TULP4: variants seen among roughly 807,000 people sequenced by gnomAD.
TULP4 encodes tubby-related protein 4.
A neutral mutation model predicts 129.0 loss-of-function variants in TULP4; 16 were observed. The observed-to-expected ratio is 0.12, with a 90% CI of 0.08 to 0.19. The LOEUF (loss-of-function observed/expected upper bound fraction) is 0.19. Among genes scored for constraint, TULP4 ranks in the 10% least tolerant of loss-of-function variants. The probability of loss-of-function intolerance (pLI) is 1.00; values close to 1 mark genes in which losing one functional copy is unlikely to be tolerated. For missense variants in TULP4, 1,842 were observed against 2,059.1 expected (o/e 0.89, Z 2.04); for synonymous variants, 998 against 854.0 (o/e 1.17, Z -2.94).
intron 1 of TULP4, among the ~76,000 whole-genome samples, chr6:158,396,999 A>AT (rs1777732402): frequency 6.6e-6 from 1 of 152,212 alleles, no homozygotes; most frequent in Non-Finnish European, 1.5e-5. Flanking sequence ...TGATGCAGTT[A>AT]TGGAAGGTGA....
rs1777759376 is a variant in TULP4 at position 158,238,222 on chromosome 6, A to G, written n.68+5919A>G. On this transcript the variant is annotated intron_variant and non_coding_transcript_variant, in intron 1 of 1. Coordinates refer to the TULP4 transcript ENST00000620026. ...CCATGGTCAGCTTAATTTCAATTGC[A>G]TTTTCTTGATGCTGATCTGAAAATT... 4.5e-6 allele frequency: 4 copies of G among 883,396 alleles called. No individual in the cohort carries two copies. In the South Asian group the frequency reaches 5.3e-5, roughly 12 times the overall value. 54.7% of individuals were successfully genotyped at this position (883,396 alleles called of 1,614,324 possible).
Position 158,494,860 on chromosome 6 carries a change from C to A in TULP4, c.1870+14C>A. On this transcript the variant is annotated intron_variant, in intron 11 of 13. Coordinates refer to ENST00000367097, the MANE Select transcript of TULP4 (RefSeq NM_020245.5). Reference sequence around the variant, plus strand: ...ACCTCGGTGCAGGTAAAAATCATGTCCTCTTCTCTCATTGTCCCAGTTGGA... The same window carrying A: ...ACCTCGGTGCAGGTAAAAATCATGTACTCTTCTCTCATTGTCCCAGTTGGA... 1 of 1,610,240 alleles carries A rather than the reference C, an allele frequency of 6.2e-7. No individual in the cohort carries two copies. Among genetic ancestry groups the A allele is most frequent in the East Asian group, 2.2e-5 (1 of 44,872 alleles).
intron 1 of TULP4, among the ~76,000 whole-genome samples, chr6:158,243,275 A>T (rs548197554): frequency 6.6e-6 from 1 of 152,248 alleles, no homozygotes; most frequent in African/African-American, 2.4e-5. Context: ...ATTTTAGTAC[A>T]TGTCTCCAAA....
chr6:158,292,415 C>A (rs1432353469), intron 1 of TULP4, among the ~76,000 whole-genome samples: 1 of 152,126 alleles, frequency 6.6e-6, no homozygotes. Flanking sequence ...CCCTGGCTTT[C>A]CCTTATGTTT....
intron 2 of TULP4, among the ~76,000 whole-genome samples, chr6:158,421,659 C>G (rs111947831): frequency 9.7e-4 from 147 of 152,266 alleles, no homozygotes; most frequent in African/African-American, 3.3e-3. Flanking sequence ...ATCAAAAGAT[C>G]TAGCGATGTT....
In TULP4 at chr6:158,238,340, A is replaced by G. The variant is rs878961827; in HGVS notation, n.68+6037A>G. ...GGTGAGAGATGCTCGGGACTTTGGGAATGTAAACTGGCAGATATTTTGAGG... is the reference window on the plus strand; with the variant it reads ...GGTGAGAGATGCTCGGGACTTTGGGGATGTAAACTGGCAGATATTTTGAGG... On this transcript the variant is annotated intron_variant and non_coding_transcript_variant, in intron 1 of 1. Transcript: ENST00000620026. The G allele has an allele frequency of 3.8e-5, 30 of 781,392 alleles. 1 individual carries two copies. The South Asian group carries it at 4.2e-4, about 11-fold the overall frequency. The allele number at this position is 781,392 out of a possible 1,614,324, so 48.4% of individuals were successfully genotyped here.
At position 158,388,553 on chromosome 6, in the gene TULP4, T is replaced by C. The variant is rs1777509805; in HGVS notation, c.253-24512T>C. ...ACCGTGTTAGCCAGGATGGTCTTGA[T>C]CTCCTGACCTCGTGATCCACCTGCT... On this transcript the variant is annotated intron_variant, in intron 1 of 13. Coordinates refer to ENST00000367097, the MANE Select transcript of TULP4 (RefSeq NM_020245.5). Among the ~76,000 whole-genome samples the C allele has an allele frequency of 2.6e-5, 4 of 151,226 alleles. No individual in the cohort carries two copies. In the South Asian group the frequency reaches 6.3e-4, roughly 24 times the overall value.
intron 1 of TULP4, among the ~76,000 whole-genome samples, chr6:158,349,046 T>C (rs11751836): frequency 2.8e-3 from 64 of 22,984 alleles, no homozygotes; most frequent in Admixed American, 3.5e-3. Flanking sequence ...GAGGCGCTCC[T>C]CACTTCCCAG....
At chr6:158,494,962 A>C (rs895373421) in intron 11 of TULP4, 116 bp downstream of exon 11, 1 of 776,348 alleles carries the variant, frequency 1.3e-6, no homozygotes, top group African/African-American at 1.8e-5. Flanking sequence ...AAAGATTAGC[A>C]TGTATTTTAC....
intron 2 of TULP4, among the ~76,000 whole-genome samples, chr6:158,424,112 T>C (rs1778419544): frequency 6.6e-6 from 1 of 152,190 alleles, no homozygotes; most frequent in African/African-American, 2.4e-5. Context: ...TAAAATATAT[T>C]TGCCCGTGTT....
At chr6:158,259,949 A>G (rs1778321011) in intron 1 of TULP4, among the ~76,000 whole-genome samples, 1 of 152,236 alleles carries the variant, frequency 6.6e-6, no homozygotes, top group Non-Finnish European at 1.5e-5. Flanking sequence ...CTCCTGGCAC[A>G]TCAATGTATT....
intron 2 of TULP4, among the ~76,000 whole-genome samples, chr6:158,421,267 C>T (rs939970582): frequency 6.6e-6 from 1 of 151,922 alleles, no homozygotes; most frequent in Non-Finnish European, 1.5e-5. Flanking sequence ...GAGGCTGAGG[C>T]AGGAGAATGG....
chr6:158,321,080 C>T (rs913766267), intron 1 of TULP4, among the ~76,000 whole-genome samples: 10 of 152,014 alleles, frequency 6.6e-5, no homozygotes, highest in Admixed American at 6.5e-4. Context: ...CTTTTTGGCC[C>T]ACTTCAGTGT....
chr6:158,425,531 AAAAAAT>A lies in TULP4; in HGVS notation c.382-4204_382-4199del, dbSNP rs1306142518. ...TCCGTCTCAAAAAAAAAAAAAAAAA[AAAAAAT>A]GGCAGCCGACGCAAGTGTAAAATGA... On this transcript the variant is annotated intron_variant, in intron 2 of 13. Transcript: ENST00000367097. Among the ~76,000 whole-genome samples, 229 of 149,462 alleles carry A rather than the reference AAAAAAT, an allele frequency of 1.5e-3. 1 individual carries two copies. Among genetic ancestry groups the A allele is most frequent in the Admixed American group, 2.8e-3 (42 of 15,042 alleles).
chr6:158,271,435 ATTT>A (rs11353069), intron 1 of TULP4, among the ~76,000 whole-genome samples: 1 of 143,234 alleles, frequency 7.0e-6, no homozygotes, highest in Non-Finnish European at 1.5e-5. Flanking sequence ...CCATTTTAGA[ATTT>A]TTTTTTTTTT....
At chr6:158,486,513 AC>A (rs1780074073) in intron 8 of TULP4, among the ~76,000 whole-genome samples, 1 of 152,070 alleles carries the variant, frequency 6.6e-6, no homozygotes, top group East Asian at 1.9e-4. Context: ...AGATCGCGCC[AC>A]TGCACTCCAG....
chr6:158,354,263 GA>G (rs1780591479), intron 1 of TULP4, among the ~76,000 whole-genome samples: 1 of 152,178 alleles, frequency 6.6e-6, no homozygotes, highest in Non-Finnish European at 1.5e-5. Flanking sequence ...AACTAATAAG[GA>G]TAGAAGCTAA....
chr6:158,485,224 T>G (rs1465516761), intron 8 of TULP4, among the ~76,000 whole-genome samples: 3 of 152,226 alleles, frequency 2.0e-5, no homozygotes, highest in Non-Finnish European at 4.4e-5. Context: ...AGGAGCAGTT[T>G]GGTTCCTCCT....
rs778595442 is a variant in TULP4 at position 158,385,842 on chromosome 6, CTTTT to C, written c.253-27206_253-27203del. 3.0e-4 allele frequency among the ~76,000 whole-genome samples: 18 copies of C among 59,588 alleles called. 2 individuals carry two copies. Among genetic ancestry groups the C allele is most frequent in the South Asian group, 1.7e-3 (2 of 1,164 alleles). 39.1% of individuals were successfully genotyped at this position (59,588 alleles called of 152,430 possible). On this transcript the variant is annotated intron_variant, in intron 1 of 13. Transcript: ENST00000367097. ...GGAAAAGTCTACAAATGTGGAATAT[CTTTT>C]TTTTTTTTTTTTTTTTGAGAAAAAG... is the stretch of plus-strand genomic sequence containing the variant.
Sources: allele counts gnomAD v4.1 joint callset (sites outside exome capture counted in the v4.1 genomes callset), GRCh38; gene constraint gnomAD v4.1.1; transcripts MANE v1.5; gene names NCBI Gene and HGNC (gene_info 2026-07-23, HGNC 2026-07-21).